The following C10orf90 variants were observed in gnomAD, a reference collection of about 807,000 sequenced individuals.
C10orf90 encodes the protein (E2-independent) E3 ubiquitin-conjugating enzyme FATS.
Under a neutral mutation model 62.5 loss-of-function variants are expected in C10orf90, and 56 were observed. The observed-to-expected ratio is 0.90, with a 90% CI of 0.72 to 1.12. The LOEUF (loss-of-function observed/expected upper bound fraction) is 1.12, where lower values mean the gene tolerates loss of function less well. Among genes scored for constraint, C10orf90 ranks in the 50% most tolerant of loss-of-function variants. The probability of loss-of-function intolerance (pLI) is 0.00; values close to 1 mark genes in which losing one functional copy is unlikely to be tolerated. For missense variants in C10orf90, 970 were observed against 880.4 expected, an observed-to-expected ratio of 1.10 and a Z score of -1.29; for synonymous variants, 386 against 340.4, an observed-to-expected ratio of 1.13 and a Z score of -1.47.
intron 3 of C10orf90, among the ~76,000 whole-genome samples, chr10:126,512,996 C>G (rs912968307): frequency 6.6e-6 from 1 of 152,136 alleles, no homozygotes; most frequent in Non-Finnish European, 1.5e-5. Context: ...GTATCTTTGC[C>G]ACTTTAATCT....
At chr10:126,547,667 A>G (rs768825695) in intron 2 of C10orf90, among the ~76,000 whole-genome samples, 2 of 152,058 alleles carry the variant, frequency 1.3e-5, no homozygotes, top group Non-Finnish European at 2.9e-5. Context: ...AGAAAATCTC[A>G]CCAAAGAAAT....
At chr10:126,491,061 G>T (rs955207984) in intron 4 of C10orf90, among the ~76,000 whole-genome samples, 1 of 152,146 alleles carries the variant, frequency 6.6e-6, no homozygotes, top group African/African-American at 2.4e-5. Context: ...ATCTGTATCA[G>T]TCATTTATAC....
chr10:126,653,121 G>A (rs59475583), intron 1 of C10orf90, among the ~76,000 whole-genome samples: 165 of 152,310 alleles, frequency 1.1e-3, no homozygotes, highest in African/African-American at 3.9e-3. Context: ...CTGGTGGAGG[G>A]TCTTGCCTTG....
Position 126,442,631 on chromosome 10 carries a change from GTGTATATATATATATATATA to G in C10orf90, c.2189-12801_2189-12782del, listed in dbSNP as rs1313210410. ...GAAGTTCCCTACTATTATTGTGTGT[GTGTATATATATATATATATA>G]TATATATATATATATATATATATAT... On this transcript the variant is annotated intron_variant, in intron 7 of 9. Transcript: ENST00000488181. 1.5e-3 allele frequency among the ~76,000 whole-genome samples: 137 copies of G among 91,870 alleles called. 3 individuals are homozygous for G. The highest frequency in any genetic ancestry group is 6.2e-3 in the African/African-American group (131 of 21,182). The allele number at this position is 91,870 out of a possible 152,430, so 60.3% of individuals were successfully genotyped here. A position where few individuals can be genotyped will look rare whatever the true frequency, so the allele number is the denominator to read the frequency against.
At chr10:126,656,666 C>G (rs1381534242) in intron 1 of C10orf90, among the ~76,000 whole-genome samples, 1 of 152,182 alleles carries the variant, frequency 6.6e-6, no homozygotes, top group South Asian at 2.1e-4. Flanking sequence ...AGAGAGCAGA[C>G]GGGCGGCTGC....
intron 2 of C10orf90, among the ~76,000 whole-genome samples, chr10:126,611,795 C>T (rs529005252): frequency 6.6e-6 from 1 of 152,238 alleles, no homozygotes; most frequent in South Asian, 2.1e-4. Flanking sequence ...AGCCTCTCAC[C>T]ATTTCTGGGG....
intron 4 of C10orf90, among the ~76,000 whole-genome samples, chr10:126,501,747 G>A (rs1198669518): frequency 6.6e-6 from 1 of 152,150 alleles, no homozygotes; most frequent in Non-Finnish European, 1.5e-5. Flanking sequence ...TAGAAGGAAT[G>A]AAATCATGTC....
chr10:126,666,526 T>C (rs935788294), intron 1 of C10orf90, among the ~76,000 whole-genome samples: 1 of 151,796 alleles, frequency 6.6e-6, no homozygotes, highest in African/African-American at 2.4e-5. Context: ...CTCAAGAAGG[T>C]AGAGGAAAGC....
chr10:126,578,098 G>T lies in C10orf90; in HGVS notation c.314-64159C>A, dbSNP rs76189087. 8.2e-3 allele frequency among the ~76,000 whole-genome samples: 1,250 copies of T among 152,180 alleles called. 14 individuals carry two copies. The highest frequency in any genetic ancestry group is 0.027 in the African/African-American group (1,105 of 41,540). ...GTAGTAGGCCAAAATATCATAAACA[G>T]AAAATAATTGCTTTATTCATAATGC... On this transcript the variant is annotated intron_variant, in intron 2 of 9. Coordinates refer to ENST00000488181, the MANE Select transcript of C10orf90 (RefSeq NM_001350921.2).
chr10:126,525,168 C>T (rs891272250), intron 2 of C10orf90, among the ~76,000 whole-genome samples: 2 of 152,142 alleles, frequency 1.3e-5, no homozygotes, highest in Admixed American at 1.3e-4. Flanking sequence ...GAATTATTTG[C>T]TTTTAGTTCA....
At chr10:126,638,457 C>G (rs1845996999) in intron 2 of C10orf90, among the ~76,000 whole-genome samples, 1 of 152,118 alleles carries the variant, frequency 6.6e-6, no homozygotes, top group African/African-American at 2.4e-5. Context: ...GGAGCCAAGT[C>G]TCAACTTTCT....
At chr10:126,472,042 C>A (rs1355206506) in intron 4 of C10orf90, among the ~76,000 whole-genome samples, 1 of 152,186 alleles carries the variant, frequency 6.6e-6, no homozygotes, top group Admixed American at 6.5e-5. Flanking sequence ...TAGATCACAT[C>A]TTTCTACCTT....
chr10:126,506,491 G>A (rs971433499), intron 3 of C10orf90, among the ~76,000 whole-genome samples: 1 of 152,196 alleles, frequency 6.6e-6, no homozygotes, highest in African/African-American at 2.4e-5. Context: ...GGGGCCTGAG[G>A]GCATAACTGG....
chr10:126,488,869 A>G (rs1370207081), intron 4 of C10orf90, among the ~76,000 whole-genome samples: 1 of 152,144 alleles, frequency 6.6e-6, no homozygotes, highest in Non-Finnish European at 1.5e-5. Flanking sequence ...TCATACAGCA[A>G]ATAAAAAATT....
At chr10:126,624,657 T>C (rs1279532770) in intron 2 of C10orf90, among the ~76,000 whole-genome samples, 1 of 152,186 alleles carries the variant, frequency 6.6e-6, no homozygotes, top group Non-Finnish European at 1.5e-5. Flanking sequence ...AACCTGAGAT[T>C]GTTTTATTTC....
chr10:126,614,179 A>G (rs535371030), intron 2 of C10orf90, among the ~76,000 whole-genome samples: 2 of 152,200 alleles, frequency 1.3e-5, no homozygotes, highest in African/African-American at 2.4e-5. Flanking sequence ...ACAGAGTGAA[A>G]CCTTAAAGGT....
At chr10:126,560,484 C>G (rs576124125) in intron 2 of C10orf90, among the ~76,000 whole-genome samples, 30 of 152,280 alleles carry the variant, frequency 2.0e-4, no homozygotes, top group Non-Finnish European at 4.0e-4. Context: ...AGCCTCGTCA[C>G]TGTGTCCAGT....
intron 2 of C10orf90, among the ~76,000 whole-genome samples, chr10:126,605,699 G>A (rs1217956172): frequency 6.6e-6 from 1 of 151,954 alleles, no homozygotes; most frequent in Non-Finnish European, 1.5e-5. Flanking sequence ...AGCCTGCCAG[G>A]CTGCCTGCCA....
chr10:126,453,985 G>A lies in C10orf90; in HGVS notation c.2188+5055C>T, dbSNP rs542431869. Among the ~76,000 whole-genome samples the A allele has an allele frequency of 6.6e-6, 1 of 152,216 alleles. No individual in the cohort carries two copies. Among genetic ancestry groups the A allele is most frequent in the African/African-American group, 2.4e-5 (1 of 41,512 alleles). ...GCGTCTGGATTTTGGGGTGAGGGATGGAATCCAGGGAGGCTCTGAAGCTGG... is the reference window on the plus strand; with the variant it reads ...GCGTCTGGATTTTGGGGTGAGGGATAGAATCCAGGGAGGCTCTGAAGCTGG... On this transcript the variant is annotated intron_variant, in intron 7 of 9. Coordinates refer to ENST00000488181, the MANE Select transcript of C10orf90 (RefSeq NM_001350921.2). The surrounding 1 kb of genome is among the most constrained non-coding windows in gnomAD (Gnocchi z 4.9).
Sources: allele counts gnomAD v4.1 joint callset (sites outside exome capture counted in the v4.1 genomes callset), GRCh38; gene constraint gnomAD v4.1.1; non-coding constraint Gnocchi (gnomAD v3.1); transcripts MANE v1.5; gene names NCBI Gene and HGNC (gene_info 2026-07-23, HGNC 2026-07-21).